The following DPP10 variants were observed in gnomAD, a reference collection of about 807,000 sequenced individuals.
DPP10 encodes the protein inactive dipeptidyl peptidase 10.
In DPP10, 33 loss-of-function variants were observed where a neutral mutation model predicts 120.9. That is an observed-to-expected ratio of 0.27 (90% CI 0.21 to 0.37). DPP10 has a LOEUF of 0.37. Ranked by LOEUF, DPP10 falls within the 10% of genes least tolerant of loss-of-function variation. The pLI, the probability that DPP10 is intolerant of heterozygous loss-of-function variation, is 1.00. For missense variants in DPP10, 816 were observed against 942.8 expected (o/e 0.87, Z 1.76); for synonymous variants, 337 against 326.1 (o/e 1.03, Z -0.36).
rs1575241420 is a variant in DPP10 at position 115,583,029 on chromosome 2, A to G, written c.441+57057A>G. Among the ~76,000 whole-genome samples the G allele has an allele frequency of 2.6e-5, 4 of 152,340 alleles. No individual in the cohort carries two copies. The East Asian group carries it at 7.7e-4, about 29-fold the overall frequency. ...CGTATTTTAATCTCCGTTTTGATGA[A>G]TAAGAAAGCCTTTGTAATGGATCTC... On this transcript the variant is annotated intron_variant, in intron 5 of 25. Transcript: ENST00000410059.
At chr2:115,801,280 G>A (rs552086221) in intron 19 of DPP10, among the ~76,000 whole-genome samples, 1 of 152,170 alleles carries the variant, frequency 6.6e-6, no homozygotes, top group Admixed American at 6.5e-5. Flanking sequence ...TTTGTACATT[G>A]ATTTTGTATG....
intron 1 of DPP10, among the ~76,000 whole-genome samples, chr2:115,217,371 A>T (rs1390910763): frequency 6.6e-6 from 1 of 152,198 alleles, no homozygotes; most frequent in African/African-American, 2.4e-5. Context: ...CATAAGGCTC[A>T]TTCAATATTA....
rs115057290 is a variant in DPP10, at chr2:114,915,442, G to A, written c.61-393797G>A. ...CACTGACAGTGTTAGATATCATCAG[G>A]CATAAAATGAATAAAGACATTTAAG... On this transcript the variant is annotated intron_variant, in intron 1 of 25. Coordinates refer to ENST00000410059, the MANE Select transcript of DPP10 (RefSeq NM_020868.6). Among the ~76,000 whole-genome samples, 1,011 of 152,222 alleles carry A rather than the reference G, an allele frequency of 6.6e-3. 16 individuals are homozygous for A. Among genetic ancestry groups the A allele is most frequent in the African/African-American group, 0.023 (969 of 41,532 alleles).
chr2:115,449,790 T>C (rs987678010), intron 3 of DPP10, among the ~76,000 whole-genome samples: 2 of 152,100 alleles, frequency 1.3e-5, no homozygotes, highest in Non-Finnish European at 2.9e-5. Context: ...TCGGCACATA[T>C]GTAATTGAGT....
At chr2:115,560,641 G>T (rs186891146) in intron 5 of DPP10, among the ~76,000 whole-genome samples, 8 of 150,368 alleles carry the variant, frequency 5.3e-5, no homozygotes, top group African/African-American at 1.7e-4. Flanking sequence ...CTGAGACAGG[G>T]TCTCCTTCTC....
chr2:115,813,941 T>A (rs1225341179), intron 19 of DPP10, among the ~76,000 whole-genome samples: 1 of 152,210 alleles, frequency 6.6e-6, no homozygotes, highest in Non-Finnish European at 1.5e-5. Context: ...ATCTATCACA[T>A]GCACAACTTC....
At chr2:115,588,034 T>A (rs1275625340) in intron 5 of DPP10, among the ~76,000 whole-genome samples, 1 of 152,204 alleles carries the variant, frequency 6.6e-6, no homozygotes, top group Non-Finnish European at 1.5e-5. Flanking sequence ...CTATTATACT[T>A]TTTAAAAACT....
chr2:115,647,871 C>T (rs1188150662), intron 5 of DPP10, among the ~76,000 whole-genome samples: 1 of 152,154 alleles, frequency 6.6e-6, no homozygotes, highest in African/African-American at 2.4e-5. Context: ...GGCTTCCCTT[C>T]TTAATGCTAC....
intron 1 of DPP10, among the ~76,000 whole-genome samples, chr2:115,210,480 T>C (rs2056437481): frequency 6.6e-6 from 1 of 151,146 alleles, no homozygotes; most frequent in Non-Finnish European, 1.5e-5. Context: ...GCAATAAACG[T>C]GTGTGCTTGT....
At position 115,746,074 on chromosome 2, in the gene DPP10, A is replaced by C; in HGVS notation, c.853-12A>C. 6.3e-7 allele frequency: 1 copy of C among 1,585,576 alleles called. No individual in the cohort carries two copies. Among genetic ancestry groups the C allele is most frequent in the Non-Finnish European group, 8.6e-7 (1 of 1,166,156 alleles). On this transcript the variant is annotated splice_polypyrimidine_tract_variant and intron_variant, in intron 9 of 25. Transcript: ENST00000410059. The stretch of plus-strand genomic sequence containing the variant: ...TTAATGTACTTGCAATACAACTTTC[A>C]TTTTCTCAAAGGCAGGTCAAGTGAA...
At chr2:115,343,545 T>C (rs2063552785) in intron 2 of DPP10, among the ~76,000 whole-genome samples, 1 of 152,142 alleles carries the variant, frequency 6.6e-6, no homozygotes, top group African/African-American at 2.4e-5. Context: ...ACAGGAATTC[T>C]TAACTGCTTT....
intron 1 of DPP10, among the ~76,000 whole-genome samples, chr2:114,855,669 G>A (rs949525816): frequency 2.0e-5 from 3 of 152,166 alleles, no homozygotes; most frequent in Non-Finnish European, 4.4e-5. Context: ...GAGACAAGTA[G>A]AGACCCTACC....
chr2:115,580,889 A>G (rs1166647918), intron 5 of DPP10, among the ~76,000 whole-genome samples: 6 of 152,284 alleles, frequency 3.9e-5, no homozygotes, highest in African/African-American at 1.4e-4. Flanking sequence ...CTGTTTAGCA[A>G]CCCAGAGAAG....
chr2:115,499,154 G>A (rs559793413), intron 3 of DPP10, among the ~76,000 whole-genome samples: 84 of 152,146 alleles, frequency 5.5e-4, no homozygotes, highest in African/African-American at 1.9e-3. Context: ...TTAAAATACT[G>A]GATCATCATC....
chr2:114,998,237 A>G (rs1014891343), intron 1 of DPP10, among the ~76,000 whole-genome samples: 5 of 152,222 alleles, frequency 3.3e-5, no homozygotes, highest in Non-Finnish European at 1.5e-5. Context: ...AAAAAAATGA[A>G]TAAGTATGTT....
At chr2:115,194,728 A>G (rs1573967053) in intron 1 of DPP10, among the ~76,000 whole-genome samples, 1 of 152,164 alleles carries the variant, frequency 6.6e-6, no homozygotes, top group Non-Finnish European at 1.5e-5. Flanking sequence ...AAATTTTTTA[A>G]GTTCACAGTG....
chr2:115,161,478 TC>T lies in DPP10; in HGVS notation c.61-147751del, dbSNP rs761529882. The T allele has an allele frequency of 3.7e-3, 521 of 142,442 alleles. 3 individuals are homozygous for T. The highest frequency in any genetic ancestry group is 0.016 in the East Asian group (75 of 4,726). The allele number at this position is 142,442 out of a possible 1,614,324, so 8.8% of individuals were successfully genotyped here. A position where few individuals can be genotyped will look rare whatever the true frequency, so the allele number is the denominator to read the frequency against. ...GGGGCTCTCGCGCCGCTCCGGGCTC[TC>T]CCCCCCCCCGGCTGCGGTTGCCGAA... On this transcript the variant is annotated intron_variant, in intron 1 of 25. Transcript: ENST00000410059.
intron 1 of DPP10, among the ~76,000 whole-genome samples, chr2:114,599,236 C>T (rs1480889228): frequency 1.3e-5 from 2 of 151,712 alleles, no homozygotes; most frequent in Admixed American, 6.6e-5. Context: ...AATTTTTTCC[C>T]TTTTAAAAAT....
At chr2:115,777,153 C>A in intron 13 of DPP10, 55 bp from the exon 14 acceptor site, 1 of 1,510,470 alleles carries the variant, frequency 6.6e-7, no homozygotes, top group Non-Finnish European at 9.2e-7. Flanking sequence ...TTCGTGTTTA[C>A]CAGAGAGATG....
Sources: gnomAD v4.1 joint callset for allele counts (sites outside exome capture counted in the v4.1 genomes callset) on GRCh38, gnomAD v4.1.1 for gene constraint, MANE v1.5 for transcripts, NCBI Gene and HGNC (gene_info 2026-07-23, HGNC 2026-07-21) for gene names.